The following PHF24 variants were observed in gnomAD, a reference collection of about 807,000 sequenced individuals.
PHF24 encodes the protein PHD finger protein 24, also known as Galpha inhibitory interacting protein.
A neutral mutation model predicts 42.6 loss-of-function variants in PHF24; 25 were observed. That is an observed-to-expected ratio of 0.59 (90% CI 0.43 to 0.82). The LOEUF (loss-of-function observed/expected upper bound fraction) is 0.82, where lower values mean the gene tolerates loss of function less well. Among genes scored for constraint, PHF24 ranks in the 40% least tolerant of loss-of-function variants. The pLI is 0.00. For synonymous variants in PHF24, 185 were observed against 204.8 expected, an observed-to-expected ratio of 0.90 and a Z score of 0.83; for missense variants, 470 against 538.1, an observed-to-expected ratio of 0.87 and a Z score of 1.25.
At chr9:34,684,908 C>T in the PHF24 span, among the ~76,000 whole-genome samples, 1 of 152,066 alleles carries the variant, frequency 6.6e-6, no homozygotes, top group African/African-American at 2.4e-5. Context: ...CCTGGAGCCA[C>T]GGGGAAGACC....
chr9:34,704,856 A>G, the PHF24 span, among the ~76,000 whole-genome samples: 1 of 152,194 alleles, frequency 6.6e-6, no homozygotes, highest in Admixed American at 6.5e-5. Context: ...AAATAAAAAC[A>G]ACAAAAATAC....
chr9:34,825,961 A>C, the PHF24 span, among the ~76,000 whole-genome samples: 1 of 151,952 alleles, frequency 6.6e-6, no homozygotes, highest in Admixed American at 6.5e-5. Flanking sequence ...AGTAGGCCTG[A>C]CCTTGGAATT....
the PHF24 span, among the ~76,000 whole-genome samples, chr9:34,682,361 A>G: frequency 1.3e-5 from 2 of 152,076 alleles, no homozygotes; most frequent in South Asian, 2.1e-4. Context: ...TACACAGTCT[A>G]TGGAATTTTG....
the PHF24 span, among the ~76,000 whole-genome samples, chr9:34,804,041 G>A: frequency 6.6e-6 from 1 of 152,154 alleles, no homozygotes; most frequent in African/African-American, 2.4e-5. Flanking sequence ...CTCCCAGCTT[G>A]TCAAAACCCA....
chr9:34,716,735 G>A, the PHF24 span, among the ~76,000 whole-genome samples: 2 of 152,190 alleles, frequency 1.3e-5, no homozygotes, highest in East Asian at 3.9e-4. Context: ...GACTACTGAT[G>A]TGACCCACCA....
At chr9:34,814,979 G>A in the PHF24 span, among the ~76,000 whole-genome samples, 1 of 152,284 alleles carries the variant, frequency 6.6e-6, no homozygotes, top group Admixed American at 6.5e-5. Flanking sequence ...GACCTCAGGT[G>A]ATCTGCCCAC....
chr9:34,696,827 GATA>G, the PHF24 span, among the ~76,000 whole-genome samples: 1 of 152,124 alleles, frequency 6.6e-6, no homozygotes, highest in Non-Finnish European at 1.5e-5. Context: ...CCTTCCGTTA[GATA>G]ATAACTCTCT....
the PHF24 span, among the ~76,000 whole-genome samples, chr9:34,786,518 C>T: frequency 6.6e-6 from 1 of 152,114 alleles, no homozygotes; most frequent in Non-Finnish European, 1.5e-5. Flanking sequence ...CCCACTCTGC[C>T]GTGATATTTG....
chr9:34,870,921 G>A, the PHF24 span, among the ~76,000 whole-genome samples: 1 of 152,196 alleles, frequency 6.6e-6, no homozygotes, highest in African/African-American at 2.4e-5. Context: ...CATCCATGTG[G>A]TTTTTGTGTG....
chr9:34,918,407 TTA>T, the PHF24 span: 4 of 502,542 alleles, frequency 8.0e-6, no homozygotes, highest in Non-Finnish European at 3.6e-6. Flanking sequence ...ACCAAGGTCT[TTA>T]AAAAAAAAAA....
chr9:34,875,849 C>T, the PHF24 span, among the ~76,000 whole-genome samples: 1 of 151,544 alleles, frequency 6.6e-6, no homozygotes, highest in Admixed American at 6.6e-5. Flanking sequence ...TCGACCCAGC[C>T]TCTCATTTCA....
At chr9:34,909,978 A>G in the PHF24 span, among the ~76,000 whole-genome samples, 1 of 152,128 alleles carries the variant, frequency 6.6e-6, no homozygotes, top group Non-Finnish European at 1.5e-5. Context: ...AGATGGAGTG[A>G]TTGTTTTGTT....
At chr9:34,932,289 G>A in the PHF24 span, among the ~76,000 whole-genome samples, 2 of 152,188 alleles carry the variant, frequency 1.3e-5, no homozygotes, top group East Asian at 3.8e-4. Flanking sequence ...TGCTGAAGCA[G>A]CAAGAACTCC....
At chr9:34,978,102 C>T (rs1827270535) in exon 8 of PHF24, 5 of 1,613,292 alleles carry the variant, frequency 3.1e-6, no homozygotes, top group Non-Finnish European at 4.2e-6. Context: ...ACCTGAAGCC[C>T]CCAGGATAGC....
At chr9:34,889,403 C>T in the PHF24 span, 1 of 398,518 alleles carries the variant, frequency 2.5e-6, no homozygotes, top group African/African-American at 2.1e-5. Context: ...GGCCTTCCTC[C>T]TCAGTAGAAG....
At chr9:34,937,057 C>T in the PHF24 span, among the ~76,000 whole-genome samples, 1 of 148,230 alleles carries the variant, frequency 6.7e-6, no homozygotes, top group Non-Finnish European at 1.5e-5. Context: ...GCCAGCCGCC[C>T]CGTCCGGGAG....
At chr9:34,872,452 C>T in the PHF24 span, among the ~76,000 whole-genome samples, 14 of 148,924 alleles carry the variant, frequency 9.4e-5, no homozygotes, top group South Asian at 8.6e-4. Context: ...TGAGAATATG[C>T]GGTGTCTGGT....
At chr9:34,724,362 G>T in the PHF24 span, 2 of 1,550,894 alleles carry the variant, frequency 1.3e-6, no homozygotes, top group Non-Finnish European at 1.7e-6. Context: ...TCTTTAAGGT[G>T]AACCCCTTCT....
chr9:34,801,602 C>T, the PHF24 span, among the ~76,000 whole-genome samples: 1 of 152,066 alleles, frequency 6.6e-6, no homozygotes, highest in Non-Finnish European at 1.5e-5. Flanking sequence ...TGGCGGGCAC[C>T]TGTAGTCCCA....
Sources: allele counts gnomAD v4.1 joint callset (sites outside exome capture counted in the v4.1 genomes callset), GRCh38; gene constraint gnomAD v4.1.1; transcripts MANE v1.5; gene names NCBI Gene and HGNC (gene_info 2026-07-23, HGNC 2026-07-21).